AK5: variants seen among roughly 807,000 people sequenced by gnomAD.
AK5 encodes adenylate kinase 5.
Under a neutral mutation model 69.5 loss-of-function variants are expected in AK5, and 27 were observed. The observed-to-expected ratio is 0.39, with a 90% CI of 0.29 to 0.54. The LOEUF (loss-of-function observed/expected upper bound fraction) is 0.54, where lower values mean the gene tolerates loss of function less well. Ranked by LOEUF, AK5 falls within the 20% of genes least tolerant of loss-of-function variation. AK5 has a pLI of 0.71. For synonymous variants in AK5, 260 were observed against 244.4 expected (o/e 1.06, Z -0.60); for missense variants, 531 against 700.4 (o/e 0.76, Z 2.73).
chr1:77,522,032 A>G (rs745897023), intron 12 of AK5, 89 bp downstream of exon 12: 36 of 1,032,126 alleles, frequency 3.5e-5, no homozygotes, highest in Middle Eastern at 2.2e-4. Flanking sequence ...TTCTTTCCCA[A>G]TTACATTAAT....
intron 6 of AK5, among the ~76,000 whole-genome samples, chr1:77,354,859 T>C (rs778533810): frequency 2.6e-5 from 4 of 152,156 alleles, no homozygotes; most frequent in African/African-American, 7.2e-5. Flanking sequence ...AAAATAGAAG[T>C]AATAGATTTT....
At chr1:77,555,816 C>T (rs1660068741) in intron 13 of AK5, among the ~76,000 whole-genome samples, 1 of 152,240 alleles carries the variant, frequency 6.6e-6, no homozygotes, top group African/African-American at 2.4e-5. Flanking sequence ...AGCGTGAGCT[C>T]TTGGAAAACA....
intron 1 of AK5, among the ~76,000 whole-genome samples, chr1:77,286,272 G>A (rs1051185386): frequency 6.6e-6 from 1 of 151,302 alleles, no homozygotes; most frequent in African/African-American, 2.4e-5. Flanking sequence ...AGACATAAAG[G>A]GTGGGTAGGA....
chr1:77,491,939 C>T, intron 10 of AK5, among the ~76,000 whole-genome samples: 1 of 152,066 alleles, frequency 6.6e-6, no homozygotes, highest in East Asian at 1.9e-4. Flanking sequence ...AAAATCACTG[C>T]CTGTTGTTTT....
At chr1:77,333,500 C>T (rs1004704869) in intron 5 of AK5, among the ~76,000 whole-genome samples, 1 of 152,062 alleles carries the variant, frequency 6.6e-6, no homozygotes, top group Non-Finnish European at 1.5e-5. Flanking sequence ...TTTCTTTCCT[C>T]CTTTCTTACT....
chr1:77,323,341 AGAG>A (rs1467145481), intron 5 of AK5, among the ~76,000 whole-genome samples: 1 of 152,148 alleles, frequency 6.6e-6, no homozygotes, highest in African/African-American at 2.4e-5. Context: ...TGCATGTAAA[AGAG>A]TTTTTAAATA....
At position 77,282,217 on chromosome 1, in the gene AK5, C is replaced by T. The variant is rs987107368; in HGVS notation, c.-97C>T. 8.4e-6 allele frequency: 10 copies of T among 1,192,798 alleles called. No homozygotes were observed. The highest frequency in any genetic ancestry group is 2.8e-5 in the East Asian group (1 of 36,146). The allele number at this position is 1,192,798 out of a possible 1,614,324, so 73.9% of individuals were successfully genotyped here. ...TGAGAAAGAGGGCTGCACCGCTGCT[C>T]GGCGCGGACTCTGCCAGCCCCAGCT... On this transcript the variant is annotated 5_prime_UTR_variant, in exon 1 of 14. Coordinates refer to ENST00000354567, the MANE Select transcript of AK5 (RefSeq NM_174858.3).
intron 5 of AK5, among the ~76,000 whole-genome samples, chr1:77,306,843 T>C (rs1176977712): frequency 1.3e-5 from 2 of 152,142 alleles, no homozygotes; most frequent in African/African-American, 4.8e-5. Context: ...TCAGAATTTG[T>C]TCATTTCTTC....
chr1:77,518,534 T>A (rs1424284695), intron 10 of AK5, 30 bp from the exon 11 acceptor site: 2 of 1,609,158 alleles, frequency 1.2e-6, no homozygotes, highest in Non-Finnish European at 1.7e-6. Flanking sequence ...AGACTTGGAA[T>A]GCATGTCTGA....
chr1:77,506,232 G>GTTGGTTGA, intron 10 of AK5, among the ~76,000 whole-genome samples: 1 of 151,840 alleles, frequency 6.6e-6, no homozygotes, highest in South Asian at 2.1e-4. Flanking sequence ...TGGTTGGTTG[G>GTTGGTTGA]TTGGTTGGTT....
rs141828356 is a variant in AK5 at position 77,297,607 on chromosome 1, G to A, written c.464G>A (p.Arg155Gln). ...ACTCAGAGTTTGAAAATTGCAGAACGATATGGATTCCAATACATTTCTGTG... is the reference window on the plus strand; with the variant it reads ...ACTCAGAGTTTGAAAATTGCAGAACAATATGGATTCCAATACATTTCTGTG... The part of the protein sequence containing the change: ...KGTQSLKIAE[R>Q]YGFQYISVGE... Residue 155 changes from arginine to glutamine, a missense_variant, in exon 4 of 14, where the codon CGA (arginine) becomes CAA (glutamine). Physicochemically the swap from Arg to Gln is conservative, Grantham distance 43. Transcript: ENST00000354567. 170 of 1,613,280 alleles carry A rather than the reference G, an allele frequency of 1.1e-4. No homozygotes were observed. Among genetic ancestry groups the A allele is most frequent in the Non-Finnish European group, 1.4e-4 (165 of 1,179,804 alleles).
chr1:77,298,544 C>A (rs1659144464), intron 5 of AK5, among the ~76,000 whole-genome samples: 1 of 151,854 alleles, frequency 6.6e-6, no homozygotes, highest in African/African-American at 2.4e-5. Flanking sequence ...TGGCTCACGC[C>A]TGTAATCCCA....
chr1:77,282,673 T>C, intron 1 of AK5: 1 of 1,151,288 alleles, frequency 8.7e-7, no homozygotes, highest in Non-Finnish European at 1.1e-6. Context: ...CAGGGTGGGC[T>C]GCAGACCGCG....
intron 3 of AK5, among the ~76,000 whole-genome samples, chr1:77,294,499 AAAAT>A (rs2100656108): frequency 1.3e-5 from 2 of 152,312 alleles, no homozygotes; most frequent in East Asian, 3.9e-4. Context: ...TTTAGAGGGA[AAAAT>A]AAATAATAAT....
chr1:77,524,031 G>A (rs571064794), intron 12 of AK5, among the ~76,000 whole-genome samples: 2 of 152,174 alleles, frequency 1.3e-5, no homozygotes, highest in Admixed American at 6.5e-5. Context: ...CTATCTCTGT[G>A]AATTTCACTA....
chr1:77,459,734 T>TC (rs768514090), intron 8 of AK5, among the ~76,000 whole-genome samples: 8 of 152,190 alleles, frequency 5.3e-5, no homozygotes, highest in South Asian at 4.1e-4. Flanking sequence ...AGTATCTGGC[T>TC]CATAGTAGAG....
chr1:77,542,888 C>T (rs998749890), intron 13 of AK5, among the ~76,000 whole-genome samples: 5 of 152,022 alleles, frequency 3.3e-5, no homozygotes, highest in South Asian at 4.2e-4. Context: ...TCTGTCCCTG[C>T]GTTATTTGCT....
At chr1:77,316,802 A>AT (rs1281742663) in intron 5 of AK5, among the ~76,000 whole-genome samples, 1 of 152,158 alleles carries the variant, frequency 6.6e-6, no homozygotes, top group East Asian at 1.9e-4. Context: ...TTTTATTGCA[A>AT]TTTGCTGTGA....
At chr1:77,476,113 T>C (rs1364878386) in intron 8 of AK5, among the ~76,000 whole-genome samples, 1 of 152,172 alleles carries the variant, frequency 6.6e-6, no homozygotes, top group East Asian at 1.9e-4. Flanking sequence ...CTGGAAAAAG[T>C]TAGCCTAGCA....
Sources: allele counts gnomAD v4.1 joint callset (sites outside exome capture counted in the v4.1 genomes callset), GRCh38; gene constraint gnomAD v4.1.1; transcripts MANE v1.5; gene names NCBI Gene and HGNC (gene_info 2026-07-23, HGNC 2026-07-21).